The following B4GALT1 variants were observed in gnomAD, a reference collection of about 807,000 sequenced individuals.
B4GALT1 encodes the protein beta-1,4-galactosyltransferase 1, also known as N-acetyllactosamine synthase.
B4GALT1 carries 16 observed loss-of-function variants against 34.9 expected under a neutral mutation model. That is an observed-to-expected ratio of 0.46 (90% CI 0.31 to 0.70). The LOEUF is 0.70. Ranked by LOEUF, B4GALT1 falls within the 30% of genes least tolerant of loss-of-function variation. B4GALT1 has a pLI of 0.05. For synonymous variants in B4GALT1, 221 were observed against 218.1 expected, an observed-to-expected ratio of 1.01 and a Z score of -0.12; for missense variants, 445 against 530.5, an observed-to-expected ratio of 0.84 and a Z score of 1.58.
At chr9:33,180,866 G>A in the B4GALT1 span, among the ~76,000 whole-genome samples, 1 of 152,168 alleles carries the variant, frequency 6.6e-6, no homozygotes. Flanking sequence ...CCTGTTGAGT[G>A]ACAAGTATAA....
chr9:33,150,822 T>C (rs988173067), intron 1 of B4GALT1, among the ~76,000 whole-genome samples: 3 of 152,186 alleles, frequency 2.0e-5, no homozygotes, highest in African/African-American at 7.2e-5. Context: ...ACACAAACTA[T>C]AAATACGTTA....
chr9:33,105,025 G>A (rs1209828053), intron 2 of B4GALT1, among the ~76,000 whole-genome samples: 2 of 151,770 alleles, frequency 1.3e-5, no homozygotes, highest in Non-Finnish European at 2.9e-5. Context: ...TCACTGTGTT[G>A]GCCAGGCTGG....
intron 1 of B4GALT1, among the ~76,000 whole-genome samples, chr9:33,164,596 A>G (rs889784095): frequency 1.5e-4 from 23 of 152,240 alleles, no homozygotes; most frequent in African/African-American, 5.3e-4. Flanking sequence ...TAGTCCATTT[A>G]GAAACACCAG....
At chr9:33,128,715 G>C (rs1052708986) in intron 2 of B4GALT1, among the ~76,000 whole-genome samples, 1 of 152,200 alleles carries the variant, frequency 6.6e-6, no homozygotes. Flanking sequence ...AGCTGAGGTA[G>C]AAAATGGAAG....
rs751351046 is a variant in B4GALT1, at chr9:33,111,250, C to CAAAAAAAAAAAAAA, written c.*2190_*2203dup. The CAAAAAAAAAAAAAA allele has an allele frequency of 1.4e-4, 7 of 48,858 alleles. No homozygotes were observed. Among genetic ancestry groups the CAAAAAAAAAAAAAA allele is most frequent in the Non-Finnish European group, 1.6e-4 (5 of 31,260 alleles). 3.0% of individuals were successfully genotyped at this position (48,858 alleles called of 1,614,324 possible). ...TACTTGACATGAATGAGAAGGTAACCAAAAAAAAAAAAAAAAAAAAAAAAA... is the reference window on the plus strand; with the variant it reads ...TACTTGACATGAATGAGAAGGTAACCAAAAAAAAAAAAAAAAAAAAAAAAAAAAAAAAAAAAAAA... On this transcript the variant is annotated 3_prime_UTR_variant, in exon 6 of 6. Coordinates refer to ENST00000379731, the MANE Select transcript of B4GALT1 (RefSeq NM_001497.4).
intron 2 of B4GALT1, among the ~76,000 whole-genome samples, chr9:33,134,624 A>G (rs1424765531): frequency 6.6e-6 from 1 of 152,222 alleles, no homozygotes; most frequent in Non-Finnish European, 1.5e-5. Flanking sequence ...TCAGACGAGC[A>G]GTGAGAAACT....
downstream of B4GALT1, among the ~76,000 whole-genome samples, chr9:33,109,899 G>GT (rs941837801): frequency 5.3e-5 from 8 of 151,810 alleles, no homozygotes; most frequent in South Asian, 4.2e-4. Context: ...AAAGAAACAG[G>GT]TTTTTTTTTG....
In B4GALT1 at chr9:33,113,764, A is replaced by G. The variant is rs1160981909; in HGVS notation, c.1064+10T>C. The stretch of plus-strand genomic sequence containing the variant: ...AAGGGGGAAGGAGTATGAATAAACA[A>G]AGAATGCACCTCTGAGGATTGGGTT... On this transcript the variant is annotated intron_variant, in intron 5 of 5. Transcript: ENST00000379731. 1 of 1,614,078 alleles carries G rather than the reference A, an allele frequency of 6.2e-7. No homozygotes were observed. Among genetic ancestry groups the G allele is most frequent in the Non-Finnish European group, 8.5e-7 (1 of 1,179,940 alleles).
At chr9:33,120,693 C>T in intron 2 of B4GALT1, 87 bp from the exon 3 acceptor site, 1 of 1,377,806 alleles carries the variant, frequency 7.3e-7, no homozygotes, top group Non-Finnish European at 1.0e-6. Context: ...GTCCACTACA[C>T]ATGGTCACTA....
chr9:33,118,829 G>A lies in B4GALT1; in HGVS notation c.836+1590C>T, dbSNP rs186934257. 2.2e-3 allele frequency among the ~76,000 whole-genome samples: 332 copies of A among 152,152 alleles called. 1 individual carries two copies. The highest frequency in any genetic ancestry group is 3.6e-3 in the Non-Finnish European group (246 of 67,988). ...GATCTTCAGATTCACTTAAAGCAAG[G>A]AAGGAAAGGGTTTTGTTATTCAACT... On this transcript the variant is annotated intron_variant, in intron 3 of 5. Transcript: ENST00000379731.
chr9:33,179,875 C>T, the B4GALT1 span: 8 of 152,306 alleles, frequency 5.3e-5, no homozygotes, highest in South Asian at 8.3e-4. Flanking sequence ...GGATGAAGCC[C>T]GTTGTAAGTA....
At chr9:33,143,993 G>C (rs1840390108) in intron 1 of B4GALT1, among the ~76,000 whole-genome samples, 1 of 151,744 alleles carries the variant, frequency 6.6e-6, no homozygotes, top group South Asian at 2.1e-4. Context: ...CTGGGCTGTG[G>C]TCTCGGCCTC....
chr9:33,140,077 T>C (rs1840326738), intron 1 of B4GALT1, among the ~76,000 whole-genome samples: 1 of 152,242 alleles, frequency 6.6e-6, no homozygotes, highest in South Asian at 2.1e-4. Context: ...ACTGCTCCCC[T>C]GCCTGGCACA....
At chr9:33,128,757 G>A (rs1840149459) in intron 2 of B4GALT1, among the ~76,000 whole-genome samples, 2 of 152,034 alleles carry the variant, frequency 1.3e-5, no homozygotes, top group African/African-American at 4.8e-5. Flanking sequence ...AGATGATCAA[G>A]ATAGAAACCA....
At chr9:33,150,142 T>TATACACACATACACACACAC (rs3065241) in intron 1 of B4GALT1, among the ~76,000 whole-genome samples, 1 of 85,920 alleles carries the variant, frequency 1.2e-5, no homozygotes, top group Non-Finnish European at 2.4e-5. Flanking sequence ...GATATAGATA[T>TATACACACATACACACACAC]AGATATATAC....
chr9:33,152,249 A>G (rs1407590844), intron 1 of B4GALT1, among the ~76,000 whole-genome samples: 1 of 152,062 alleles, frequency 6.6e-6, no homozygotes, highest in Non-Finnish European at 1.5e-5. Context: ...GGTTGCAGTG[A>G]GCCGAGATTT....
intron 2 of B4GALT1, among the ~76,000 whole-genome samples, chr9:33,131,883 T>C (rs1304589428): frequency 6.6e-6 from 1 of 152,206 alleles, no homozygotes; most frequent in Admixed American, 6.5e-5. Context: ...CCATTACCAT[T>C]TTATTATTTA....
the B4GALT1 span, among the ~76,000 whole-genome samples, chr9:33,172,848 A>G: frequency 6.6e-6 from 1 of 151,912 alleles, no homozygotes; most frequent in Non-Finnish European, 1.5e-5. Context: ...AAATTCAGTT[A>G]AAAAGTCACT....
intron 1 of B4GALT1, among the ~76,000 whole-genome samples, chr9:33,159,972 C>G (rs1246053140): frequency 3.3e-5 from 5 of 152,254 alleles, no homozygotes. Context: ...ATCCTAAGAG[C>G]CTATCCTGCA....
Sources: allele counts gnomAD v4.1 joint callset (sites outside exome capture counted in the v4.1 genomes callset), GRCh38; gene constraint gnomAD v4.1.1; transcripts MANE v1.5; gene names NCBI Gene and HGNC (gene_info 2026-07-23, HGNC 2026-07-21).